DNAH8: variants seen among roughly 807,000 people sequenced by gnomAD.
DNAH8 encodes dynein axonemal heavy chain 8.
A neutral mutation model predicts 562.1 loss-of-function variants in DNAH8; 382 were observed. That is an observed-to-expected ratio of 0.68 (90% CI 0.63 to 0.74). The LOEUF (loss-of-function observed/expected upper bound fraction) is 0.74, where lower values mean the gene tolerates loss of function less well. DNAH8 is among the 30% of genes least tolerant of loss of function. DNAH8 has a pLI of 0.00. For missense variants in DNAH8, 5,203 were observed against 5,620.4 expected (o/e 0.93, Z 2.37); for synonymous variants, 1,881 against 1,919.4 (o/e 0.98, Z 0.52).
intron 26 of DNAH8, among the ~76,000 whole-genome samples, chr6:38,819,860 A>AT (rs971658620): frequency 2.6e-5 from 4 of 152,060 alleles, no homozygotes; most frequent in East Asian, 3.8e-4. Flanking sequence ...AGAAACACAG[A>AT]TTTTTTTTAT....
At chr6:38,901,187 T>C (rs1780054028) in intron 62 of DNAH8, among the ~76,000 whole-genome samples, 1 of 152,208 alleles carries the variant, frequency 6.6e-6, no homozygotes, top group Non-Finnish European at 1.5e-5. Context: ...TTAGCGGATC[T>C]TAATTTTAAT....
chr6:38,826,087 A>G, intron 28 of DNAH8, 69 bp from the exon 29 acceptor site: 2 of 1,060,728 alleles, frequency 1.9e-6, no homozygotes, highest in Non-Finnish European at 2.7e-6. Context: ...GGACAGAGCA[A>G]TTATAGATGC....
chr6:38,981,773 C>CT (rs1259167382), intron 85 of DNAH8, among the ~76,000 whole-genome samples: 1 of 152,108 alleles, frequency 6.6e-6, no homozygotes, highest in Non-Finnish European at 1.5e-5. Context: ...GAGACCTAGA[C>CT]TTTTTTTAAA....
Position 38,734,515 on chromosome 6 carries a change from A to G in DNAH8, c.652A>G (p.Met218Val), listed in dbSNP as rs1410613805. 7 of 1,613,868 alleles carry G rather than the reference A, an allele frequency of 4.3e-6. No individual in the cohort carries two copies. In the South Asian group the frequency reaches 6.6e-5, roughly 15 times the overall value. The change falls in exon 5 of 93, where the codon ATG becomes GTG. Residue 218 changes from methionine (M) to valine (V), a missense_variant. Physicochemically the swap from Met to Val is conservative, Grantham distance 21. This residue lies in a region of DNAH8 where 556 missense variants were observed against 496.9 expected (regional missense o/e 1.12). Coordinates refer to ENST00000327475, the MANE Select transcript of DNAH8 (RefSeq NM_001206927.2). The stretch of plus-strand genomic sequence containing the variant: ...TGCTGGAGCAACTAAAGGGGCAAAA[A>G]TGATGAAATTGTATATAGACAATGC... ...TIAGATKGAK[M>V]MKLYIDNAAP...
chr6:38,961,267 T>G (rs958976033), intron 82 of DNAH8, among the ~76,000 whole-genome samples: 1 of 151,958 alleles, frequency 6.6e-6, no homozygotes, highest in Non-Finnish European at 1.5e-5. Context: ...AAAAAATATA[T>G]AGTCCAAAAT....
rs1392340962 is a variant in DNAH8 at position 38,931,906 on chromosome 6, T to C, written c.11370T>C (p.Asn3790=). 4 of 1,612,120 alleles carry C rather than the reference T, an allele frequency of 2.5e-6. No individual in the cohort carries two copies. The highest frequency in any genetic ancestry group is 3.4e-6 in the Non-Finnish European group (4 of 1,179,182). ...ATCCTGCCTTTACCCCAGAGATTAA[T>C]GCTAAAACGTCAGTCATTGATTTCA... ...LPNPAFTPEI[N]AKTSVIDFTV... Residue 3790 remains asparagine (N), a synonymous_variant, in exon 76 of 93, where the codon AAT becomes AAC. Transcript: ENST00000327475.
At chr6:39,007,633 A>G (rs1264964379) in intron 88 of DNAH8, among the ~76,000 whole-genome samples, 3 of 152,114 alleles carry the variant, frequency 2.0e-5, no homozygotes, top group African/African-American at 7.2e-5. Context: ...GTTCCCATAT[A>G]ACCCTGCATG....
chr6:38,805,607 TG>T lies in DNAH8; in HGVS notation c.3150+13del. ...GATGAATTTAAAAAGGTATTTATTG[TG>T]GAACAACTTCATGCAATTCACAGAA... On this transcript the variant is annotated intron_variant, in intron 23 of 92. Transcript: ENST00000327475. 7.1e-7 allele frequency: 1 copy of T among 1,404,326 alleles called. No homozygotes were observed. The highest frequency in any genetic ancestry group is 1.2e-5 in the South Asian group (1 of 86,038). The allele number at this position is 1,404,326 out of a possible 1,614,324, so 87.0% of individuals were successfully genotyped here. A position where few individuals can be genotyped will look rare whatever the true frequency, so the allele number is the denominator to read the frequency against.
At position 38,726,851 on chromosome 6, in the gene DNAH8, G is replaced by GT. The variant is rs58557655; in HGVS notation, c.526-3027dup. On this transcript the variant is annotated intron_variant, in intron 3 of 92. Transcript: ENST00000327475. ...GGGGTATATGGAAAAGTATTCTTTA[G>GT]TTTTTTTTTTTTTTTTTTTTTTTTG... Among the ~76,000 whole-genome samples, 288 of 63,116 alleles carry GT rather than the reference G, an allele frequency of 4.6e-3. 5 individuals carry two copies. Among genetic ancestry groups the GT allele is most frequent in the Non-Finnish European group, 5.5e-3 (190 of 34,328 alleles). The allele number at this position is 63,116 out of a possible 152,430, so 41.4% of individuals were successfully genotyped here.
chr6:38,858,495 C>T (rs1473244891), intron 42 of DNAH8, among the ~76,000 whole-genome samples: 2 of 152,180 alleles, frequency 1.3e-5, no homozygotes, highest in African/African-American at 4.8e-5. Context: ...TCCAGTCAGT[C>T]CGTCCATCCC....
At chr6:38,898,677 C>T (rs1779872755) in intron 61 of DNAH8, among the ~76,000 whole-genome samples, 1 of 152,252 alleles carries the variant, frequency 6.6e-6, no homozygotes, top group African/African-American at 2.4e-5. Context: ...GTATGGAGAA[C>T]CCTGTGAAAA....
chr6:39,023,288 C>T (rs960515621), intron 91 of DNAH8, among the ~76,000 whole-genome samples: 15 of 152,024 alleles, frequency 9.9e-5, no homozygotes, highest in African/African-American at 2.7e-4. Flanking sequence ...GTCAGGAGAT[C>T]GAGACCATCC....
chr6:38,865,719 G>A (rs1341514497), intron 45 of DNAH8, among the ~76,000 whole-genome samples: 1 of 152,186 alleles, frequency 6.6e-6, no homozygotes, highest in Non-Finnish European at 1.5e-5. Flanking sequence ...GGCAGGCTGG[G>A]AAATGTAGTT....
intron 92 of DNAH8, among the ~76,000 whole-genome samples, chr6:39,028,508 T>C (rs1767447339): frequency 6.6e-6 from 1 of 152,222 alleles, no homozygotes; most frequent in Non-Finnish European, 1.5e-5. Context: ...CTCTGTGTCC[T>C]CTCCTCTTCT....
intron 11 of DNAH8, among the ~76,000 whole-genome samples, chr6:38,765,861 G>A (rs2127614830): frequency 6.6e-6 from 1 of 152,120 alleles, no homozygotes; most frequent in East Asian, 1.9e-4. Context: ...GCATGCTCTT[G>A]GTAGGAATGT....
intron 31 of DNAH8, among the ~76,000 whole-genome samples, chr6:38,833,089 G>T (rs771100812): frequency 6.6e-6 from 1 of 152,124 alleles, no homozygotes; most frequent in Non-Finnish European, 1.5e-5. Context: ...GGTCAGTCCC[G>T]TATGCTACTC....
chr6:39,027,088 A>G (rs1767347247), intron 92 of DNAH8, among the ~76,000 whole-genome samples: 1 of 152,008 alleles, frequency 6.6e-6, no homozygotes, highest in African/African-American at 2.4e-5. Flanking sequence ...AACAAAAACT[A>G]GCCAGTCGTG....
chr6:38,755,929 T>C, intron 9 of DNAH8, 43 bp from the exon 10 acceptor site: 8 of 1,049,364 alleles, frequency 7.6e-6, no homozygotes, highest in Non-Finnish European at 1.2e-5. Flanking sequence ...TTATTAAAAC[T>C]ATATGCATAT....
intron 31 of DNAH8, among the ~76,000 whole-genome samples, chr6:38,832,870 ACTT>A (rs1203805197): frequency 6.6e-6 from 1 of 151,098 alleles, no homozygotes; most frequent in African/African-American, 2.4e-5. Context: ...AGGAGCAACA[ACTT>A]TGGAGATTGT....
Sources: allele counts gnomAD v4.1 joint callset (sites outside exome capture counted in the v4.1 genomes callset), GRCh38; gene constraint gnomAD v4.1.1; regional missense constraint gnomAD v4.1.1; transcripts MANE v1.5; gene names NCBI Gene and HGNC (gene_info 2026-07-23, HGNC 2026-07-21).